The following C3orf49 variants were observed in gnomAD, a reference collection of about 807,000 sequenced individuals.
C3orf49 encodes chromosome 3 open reading frame 49.
Under a neutral mutation model 13.3 loss-of-function variants are expected in C3orf49, and 27 were observed. That is an observed-to-expected ratio of 2.02 (90% confidence interval 1.49 to 2.79). The LOEUF (loss-of-function observed/expected upper bound fraction) is 2.79. Among genes scored for constraint, C3orf49 ranks in the 30% most tolerant of loss-of-function variants. The pLI, the probability that C3orf49 is intolerant of heterozygous loss-of-function variation, is 0.00. For missense variants in C3orf49, 242 were observed against 134.2 expected (o/e 1.80, Z -3.97); for synonymous variants, 87 against 47.6 (o/e 1.83, Z -3.40).
chr3:63,838,315 T>C (rs779672124), intron 5 of C3orf49: 603 of 1,215,978 alleles, frequency 5.0e-4, no homozygotes, highest in Non-Finnish European at 6.7e-4. Context: ...TAGCAGGTAT[T>C]GTTTCCTTTA....
At chr3:63,791,765 C>T in the C3orf49 span, among the ~76,000 whole-genome samples, 1 of 152,168 alleles carries the variant, frequency 6.6e-6, no homozygotes, top group East Asian at 1.9e-4. Flanking sequence ...TACTTTAAAA[C>T]AATGAAATAA....
chr3:63,843,533 C>T (rs562682775), intron 5 of C3orf49, among the ~76,000 whole-genome samples: 4 of 152,278 alleles, frequency 2.6e-5, no homozygotes, highest in Admixed American at 1.3e-4. Context: ...TGCACTCCAA[C>T]GTTTATAGCA....
intron 6 of C3orf49, among the ~76,000 whole-genome samples, chr3:63,847,661 C>G (rs1459404864): frequency 6.6e-6 from 1 of 152,170 alleles, no homozygotes; most frequent in African/African-American, 2.4e-5. Context: ...TGCTTGAACC[C>G]AGGAGGCAGA....
the C3orf49 span, among the ~76,000 whole-genome samples, chr3:63,794,893 C>A: frequency 6.6e-6 from 1 of 152,124 alleles, no homozygotes; most frequent in Non-Finnish European, 1.5e-5. Flanking sequence ...CCCTAACTTT[C>A]CATACCTAAG....
chr3:63,780,257 T>C, the C3orf49 span, among the ~76,000 whole-genome samples: 2 of 152,306 alleles, frequency 1.3e-5, no homozygotes, highest in East Asian at 1.9e-4. Context: ...TTTTTGTCCT[T>C]GCGATAGTTT....
At chr3:63,812,350 C>G in the C3orf49 span, among the ~76,000 whole-genome samples, 4 of 152,126 alleles carry the variant, frequency 2.6e-5, no homozygotes, top group Non-Finnish European at 4.4e-5. Context: ...TTGTGTTGGA[C>G]CACATCCAAA....
At chr3:63,827,022 A>G (rs1701471692) in intron 2 of C3orf49, 1 of 151,892 alleles carries the variant, frequency 6.6e-6, no homozygotes. Context: ...TTTTGTTTTT[A>G]GCATAGTAAT....
rs192246695 is a variant in C3orf49 at position 63,819,457 on chromosome 3, G to A, written c.-15G>A. On this transcript the variant is annotated 5_prime_UTR_variant, in exon 1 of 7. In the 5' UTR this introduces an upstream ATG that the reference lacks. Transcript: ENST00000295896. ...AAACAATCCAAAACGGCTACTACAG[G>A]TGAAGTTGAGAGCAATGGCCCAACC... 1 of 702,506 alleles carries A rather than the reference G, an allele frequency of 1.4e-6. No homozygotes were observed. The highest frequency in any genetic ancestry group is 1.7e-5 in the African/African-American group (1 of 57,344). The allele number at this position is 702,506 out of a possible 1,614,324, so 43.5% of individuals were successfully genotyped here. A position where few individuals can be genotyped will look rare whatever the true frequency, so the allele number is the denominator to read the frequency against.
At chr3:63,818,795 G>T (rs1380598297), upstream of C3orf49, among the ~76,000 whole-genome samples, 1 of 152,204 alleles carries the variant, frequency 6.6e-6, no homozygotes, top group Admixed American at 6.5e-5. Context: ...ATGGGGCAAT[G>T]TTGGAAGGGA....
At chr3:63,783,351 A>AC in the C3orf49 span, among the ~76,000 whole-genome samples, 1 of 152,074 alleles carries the variant, frequency 6.6e-6, no homozygotes, top group Non-Finnish European at 1.5e-5. Context: ...CTTGACAAAA[A>AC]CCACAAGTCA....
chr3:63,802,944 TC>T, the C3orf49 span, among the ~76,000 whole-genome samples: 1 of 151,962 alleles, frequency 6.6e-6, no homozygotes, highest in Non-Finnish European at 1.5e-5. Flanking sequence ...TACTGAACAC[TC>T]TTTGCCATCA....
the C3orf49 span, among the ~76,000 whole-genome samples, chr3:63,806,502 A>G: frequency 6.6e-6 from 1 of 152,264 alleles, no homozygotes; most frequent in Non-Finnish European, 1.5e-5. Context: ...GTAAGAGAAC[A>G]GTATTAAGGA....
the C3orf49 span, among the ~76,000 whole-genome samples, chr3:63,796,113 A>G: frequency 2.0e-5 from 3 of 152,090 alleles, no homozygotes; most frequent in African/African-American, 7.2e-5. Context: ...TCAATTTTTC[A>G]GCTCTTTCAC....
At chr3:63,814,631 G>T (rs1260814289), upstream of C3orf49, among the ~76,000 whole-genome samples, 1 of 152,044 alleles carries the variant, frequency 6.6e-6, no homozygotes, top group East Asian at 1.9e-4. Context: ...ACAAATGTCC[G>T]GGGAATGATC....
intron 1 of C3orf49, among the ~76,000 whole-genome samples, chr3:63,822,621 T>C (rs1242209148): frequency 6.6e-6 from 1 of 152,216 alleles, no homozygotes; most frequent in Non-Finnish European, 1.5e-5. Flanking sequence ...CAGAAAGCTA[T>C]CAGGAAATGT....
intron 1 of C3orf49, among the ~76,000 whole-genome samples, chr3:63,820,668 T>TA (rs1701380486): frequency 6.6e-6 from 1 of 152,172 alleles, no homozygotes; most frequent in Non-Finnish European, 1.5e-5. Context: ...TAGAATCACT[T>TA]AAAAATTAAA....
the C3orf49 span, among the ~76,000 whole-genome samples, chr3:63,793,012 A>C: frequency 0.01 from 1,594 of 152,288 alleles, 29 homozygotes; most frequent in African/African-American, 0.034. Context: ...ATAGACTTAA[A>C]TTATGGATTC....
the C3orf49 span, among the ~76,000 whole-genome samples, chr3:63,812,677 T>C: frequency 6.6e-6 from 1 of 152,196 alleles, no homozygotes; most frequent in Non-Finnish European, 1.5e-5. Flanking sequence ...AATTCATCAA[T>C]TGAGTTGTTT....
chr3:63,793,972 T>C, the C3orf49 span, among the ~76,000 whole-genome samples: 7 of 152,074 alleles, frequency 4.6e-5, no homozygotes, highest in Admixed American at 1.3e-4. Context: ...CTGGGAAACA[T>C]AGCAGGACAC....
Sources: allele counts gnomAD v4.1 joint callset (sites outside exome capture counted in the v4.1 genomes callset), GRCh38; gene constraint gnomAD v4.1.1; transcripts MANE v1.5; gene names NCBI Gene and HGNC (gene_info 2026-07-23, HGNC 2026-07-21).